The following NTRK1 variants were observed in gnomAD, a reference collection of about 807,000 sequenced individuals.
The protein encoded by NTRK1 is neurotrophic receptor tyrosine kinase 1.
In NTRK1, 62 loss-of-function variants were observed where a neutral mutation model predicts 86.8. The observed-to-expected ratio is 0.71, with a 90% CI of 0.58 to 0.88. The LOEUF (loss-of-function observed/expected upper bound fraction) is 0.88, where lower values mean the gene tolerates loss of function less well. NTRK1 is among the 40% of genes least tolerant of loss of function. NTRK1 has a pLI of 0.00. For synonymous variants in NTRK1, 469 were observed against 456.6 expected, an observed-to-expected ratio of 1.03 and a Z score of -0.35; for missense variants, 967 against 1,078.4, an observed-to-expected ratio of 0.90 and a Z score of 1.45.
chr1:156,816,896 C>T (rs564272994), intron 1 of NTRK1: 4 of 451,528 alleles, frequency 8.9e-6, no homozygotes, highest in Non-Finnish European at 1.2e-5. Flanking sequence ...GTCCCACCCC[C>T]GGAAGCCACG....
chr1:156,850,154 G>A (rs893223339), intron 2 of NTRK1, among the ~76,000 whole-genome samples: 10 of 151,762 alleles, frequency 6.6e-5, no homozygotes, highest in African/African-American at 1.7e-4. Flanking sequence ...CTCCCACCTC[G>A]GCTTGCCAAA....
chr1:156,865,104 G>T (rs138406114), intron 3 of NTRK1: 266 of 434,708 alleles, frequency 6.1e-4, no homozygotes, highest in African/African-American at 4.7e-3. Flanking sequence ...AAGGGAGCAA[G>T]CGGCAGGAGC....
chr1:156,832,613 C>T (rs1042107498), intron 1 of NTRK1, among the ~76,000 whole-genome samples: 2 of 152,128 alleles, frequency 1.3e-5, no homozygotes, highest in Non-Finnish European at 2.9e-5. Flanking sequence ...CTTAGAGCTG[C>T]AAAGCCCTCT....
At chr1:156,844,388 G>C in intron 2 of NTRK1, 1 of 1,568,246 alleles carries the variant, frequency 6.4e-7, no homozygotes, top group Admixed American at 1.7e-5. Context: ...GGATGCGGGG[G>C]AGGGGCCTGT....
intron 2 of NTRK1, chr1:156,849,490 G>A (rs1162513616): frequency 1.4e-6 from 2 of 1,409,680 alleles, no homozygotes; most frequent in Non-Finnish European, 2.0e-6. Context: ...CTTGCTCTGC[G>A]GGGAGGTGGG....
chr1:156,862,515 C>T (rs1261202527), intron 1 of NTRK1, among the ~76,000 whole-genome samples: 1 of 152,052 alleles, frequency 6.6e-6, no homozygotes, highest in African/African-American at 2.4e-5. Context: ...AGTGGACAGG[C>T]CAGAACTGGG....
upstream of NTRK1, chr1:156,858,505 TA>T (rs1655490424): frequency 1.1e-5 from 17 of 1,569,578 alleles, no homozygotes; most frequent in African/African-American, 1.4e-5. Context: ...GGGAGGGAGG[TA>T]GGGGTCTGGG....
At chr1:156,821,559 T>C (rs1230208479) in intron 1 of NTRK1, among the ~76,000 whole-genome samples, 1 of 150,274 alleles carries the variant, frequency 6.7e-6, no homozygotes, top group Non-Finnish European at 1.5e-5. Context: ...ATGAGTAGGA[T>C]TGAAGAAGGT....
rs908793404 is a variant in NTRK1, at chr1:156,826,526, T to C, written c.-64+10688T>C. ...CCTTGGTCTTGATCTCCTGACCTCGTGATCCGCCCGCCTCGGCCTCCCAAA... is the reference window on the plus strand; with the variant it reads ...CCTTGGTCTTGATCTCCTGACCTCGCGATCCGCCCGCCTCGGCCTCCCAAA... On this transcript the variant is annotated intron_variant, in intron 1 of 16. Coordinates refer to the NTRK1 transcript ENST00000392302. Among the ~76,000 whole-genome samples, 13 of 152,174 alleles carry C rather than the reference T, an allele frequency of 8.5e-5. 1 individual carries two copies. In the South Asian group the frequency reaches 2.5e-3, roughly 29 times the overall value.
chr1:156,871,806 C>T, intron 7 of NTRK1, 51 bp downstream of exon 7: 1 of 1,612,666 alleles, frequency 6.2e-7, no homozygotes, highest in Non-Finnish European at 8.5e-7. Flanking sequence ...TCTCTTCTTC[C>T]CTCAAAAGAG....
At chr1:156,835,977 C>T (rs1241646422) in intron 1 of NTRK1, among the ~76,000 whole-genome samples, 1 of 152,196 alleles carries the variant, frequency 6.6e-6, no homozygotes, top group Non-Finnish European at 1.5e-5. Context: ...CTGACAACTT[C>T]TGTCCTTTTT....
In NTRK1 at chr1:156,868,505, G is replaced by C. The variant is rs201185829; in HGVS notation, c.575G>C (p.Gly192Ala). Residue 192 changes from glycine to alanine, a missense_variant and splice_region_variant, in exon 6 of 17, where the codon GGT becomes GCT. By Grantham distance (60) the Gly-to-Ala change is moderately conservative. Transcript: ENST00000524377. The part of the protein sequence containing the change: ...PLAHMPNASC[G>A]VPTLKVQVPN... ...GCCCTCGGGCGTCCTGGGTGGCCAG[G>C]TGTGCCCACGCTGAAGGTCCAGGTG... The C allele has an allele frequency of 3.2e-4, 492 of 1,557,322 alleles. No individual in the cohort carries two copies. The highest frequency in any genetic ancestry group is 6.3e-4 in the Admixed American group (33 of 52,068).
intron 3 of NTRK1, 117 bp from the exon 4 acceptor site, chr1:156,866,793 G>GC: frequency 1.8e-6 from 2 of 1,116,236 alleles, no homozygotes; most frequent in Non-Finnish European, 2.7e-6. Context: ...GGTTGCCTAG[G>GC]CCGGGGCGGG....
At chr1:156,844,900 C>A in intron 2 of NTRK1, 1 of 1,604,490 alleles carries the variant, frequency 6.2e-7, no homozygotes, top group South Asian at 1.1e-5. Flanking sequence ...ACCTTATGTT[C>A]AAACCCAAGC....
At chr1:156,833,416 G>A (rs1048811338) in intron 1 of NTRK1, among the ~76,000 whole-genome samples, 1 of 152,162 alleles carries the variant, frequency 6.6e-6, no homozygotes. Context: ...AATTAGCTGG[G>A]CATGGTGGCA....
rs750968694 is a variant in NTRK1, at chr1:156,874,911, G to A, written c.1257G>A (p.Ser419=). 1.2e-4 allele frequency: 188 copies of A among 1,611,878 alleles called. 1 individual carries two copies. In the Admixed American group the frequency reaches 3.0e-3, roughly 26 times the overall value. The change falls in exon 11 of 17, where the codon TCG becomes TCA. Residue 419 remains serine (S), a synonymous_variant. Transcript: ENST00000524377. ...CTACCCCTGTCCCCCACCAGGTCTC[G>A]GTGGCTGTGGGCCTGGCCGTCTTTG... ...EKKDETPFGV[S]VAVGLAVFAC... is the part of the protein sequence containing the mutation.
Position 156,875,727 on chromosome 1 carries a change from G to GTGTC in NTRK1, c.1501+64_1501+65insCTGT, listed in dbSNP as rs1553262505. The GTGTC allele has an allele frequency of 2.6e-6, 4 of 1,563,554 alleles. No homozygotes were observed. In the African/African-American group the frequency reaches 5.4e-5, roughly 21 times the overall value. On this transcript the variant is annotated intron_variant, in intron 12 of 16. Transcript: ENST00000524377. ...TGTGTGTGTGTGTGTGTGTGTGTGT[G>GTGTC]TGTGTGTGTAGAAGCCCCTAGGCCT...
Position 156,868,403 on chromosome 1 carries a change from A to G in NTRK1, c.575-102A>G, listed in dbSNP as rs569868135. On this transcript the variant is annotated intron_variant, in intron 5 of 16. Coordinates refer to ENST00000524377, the MANE Select transcript of NTRK1 (RefSeq NM_002529.4). The stretch of plus-strand genomic sequence containing the variant: ...CCTGGGGTGACATCGCCTGGGCTCC[A>G]GGTCATTGAGGAGGGTGGGGGAAGG... The G allele has an allele frequency of 3.3e-6, 5 of 1,537,890 alleles. No homozygotes were observed. In the African/African-American group the frequency reaches 4.1e-5, roughly 13 times the overall value.
intron 1 of NTRK1, chr1:156,815,874 A>T (rs368557134): frequency 1.8e-4 from 284 of 1,613,952 alleles, no homozygotes; most frequent in Non-Finnish European, 2.3e-4. Context: ...TCTGTGCCCC[A>T]GCCCGTTGGC....
Sources: allele counts gnomAD v4.1 joint callset (sites outside exome capture counted in the v4.1 genomes callset), GRCh38; gene constraint gnomAD v4.1.1; transcripts MANE v1.5; gene names NCBI Gene and HGNC (gene_info 2026-07-23, HGNC 2026-07-21).